The following ANK2 variants were observed in gnomAD, a reference collection of about 807,000 sequenced individuals.
ANK2 encodes the protein ankyrin 2.
Under a neutral mutation model 360.5 loss-of-function variants are expected in ANK2, and 83 were observed. The observed-to-expected ratio is 0.23, with a 90% confidence interval of 0.19 to 0.28. ANK2 has a LOEUF of 0.28. Among genes scored for constraint, ANK2 ranks in the 10% least tolerant of loss-of-function variants. The pLI, the probability that ANK2 is intolerant of heterozygous loss-of-function variation, is 1.00. For missense variants in ANK2, 4,201 were observed against 4,795.7 expected (o/e 0.88, Z 3.66); for synonymous variants, 1,740 against 1,759.5 (o/e 0.99, Z 0.28).
chr4:113,122,711 C>T (rs2095438280), intron 1 of ANK2, among the ~76,000 whole-genome samples: 1 of 152,012 alleles, frequency 6.6e-6, no homozygotes, highest in Non-Finnish European at 1.5e-5. Flanking sequence ...AATGTTCAGC[C>T]ATATCTATTT....
intron 1 of ANK2, among the ~76,000 whole-genome samples, chr4:113,110,007 G>A (rs1360569376): frequency 6.6e-6 from 1 of 152,134 alleles, no homozygotes; most frequent in East Asian, 1.9e-4. Context: ...GTTTGCACGA[G>A]TGGGCATAAA....
At chr4:112,856,935 A>T (rs1480669534) in intron 1 of ANK2, among the ~76,000 whole-genome samples, 2 of 152,158 alleles carry the variant, frequency 1.3e-5, no homozygotes, top group Non-Finnish European at 2.9e-5. Context: ...TACTGAGGAG[A>T]CATCAAGGGT....
chr4:113,359,734 T>C (rs1471216274), intron 38 of ANK2, among the ~76,000 whole-genome samples: 3 of 152,200 alleles, frequency 2.0e-5, no homozygotes, highest in African/African-American at 7.2e-5. Context: ...GTACTTACAA[T>C]TTTGTAATCA....
At chr4:113,076,176 T>C (rs1468410800) in intron 1 of ANK2, among the ~76,000 whole-genome samples, 2 of 152,220 alleles carry the variant, frequency 1.3e-5, no homozygotes, top group African/African-American at 2.4e-5. Flanking sequence ...ACATAAAATA[T>C]AGTAACACGA....
At chr4:112,833,749 C>T (rs1052181496) in intron 1 of ANK2, among the ~76,000 whole-genome samples, 4 of 152,162 alleles carry the variant, frequency 2.6e-5, no homozygotes, top group Non-Finnish European at 4.4e-5. Context: ...GTGATCCGCC[C>T]GCCTCGGCCT....
At chr4:112,910,447 G>T (rs2086742802) in intron 2 of ANK2, among the ~76,000 whole-genome samples, 2 of 152,148 alleles carry the variant, frequency 1.3e-5, no homozygotes, top group Non-Finnish European at 2.9e-5. Flanking sequence ...TATAAGAAAG[G>T]GGTACTGAAG....
In ANK2 at chr4:113,353,810, G is replaced by A; in HGVS notation, c.5192G>A (p.Gly1731Asp). Residue 1731 changes from glycine (G) to aspartate (D), a missense_variant, in exon 38 of 46, where the codon GGT becomes GAT. Physicochemically the swap from Gly to Asp is moderately conservative, Grantham distance 94. Around this residue, in one of 4 missense-constraint regions of ANK2, gnomAD observed 2,642 missense variants for 2,714.5 expected, o/e 0.97. Coordinates refer to ENST00000357077, the MANE Select transcript of ANK2 (RefSeq NM_001148.6). ...ASAEKAELKK[G>D]SSEESLGEDP... Reference sequence around the variant, plus strand: ...GCAGAGAAAGCTGAACTTAAAAAAGGTAGTTCAGAAGAGTCATTAGGTGAA... The same window carrying A: ...GCAGAGAAAGCTGAACTTAAAAAAGATAGTTCAGAAGAGTCATTAGGTGAA... 1 of 1,614,022 alleles carries A rather than the reference G, an allele frequency of 6.2e-7. No homozygotes were observed. Among genetic ancestry groups the A allele is most frequent in the Non-Finnish European group, 8.5e-7 (1 of 1,179,990 alleles).
chr4:113,206,042 C>T lies in ANK2; in HGVS notation c.384+6933C>T, dbSNP rs550907175. 7.2e-5 allele frequency among the ~76,000 whole-genome samples: 11 copies of T among 152,010 alleles called. No homozygotes were observed. The East Asian group carries it at 1.9e-3, about 27-fold the overall frequency. The stretch of plus-strand genomic sequence containing the variant: ...AAACAGGTTTTATTTTCAGGGTTTT[C>T]CCCCAAAATATATGCATATGGTTCT... On this transcript the variant is annotated intron_variant, in intron 4 of 45. Coordinates refer to ENST00000357077, the MANE Select transcript of ANK2 (RefSeq NM_001148.6).
Position 113,208,719 on chromosome 4 carries a change from C to A in ANK2, c.384+9610C>A, listed in dbSNP as rs1013408691. Among the ~76,000 whole-genome samples the A allele has an allele frequency of 1.8e-4, 27 of 151,912 alleles. 1 individual carries two copies. The highest frequency in any genetic ancestry group is 6.3e-4 in the African/African-American group (26 of 41,238). ...GGTCTTGCTATCTCGCCCAGACTGG[C>A]CTTGAACTCCTGGGTTCAAGCAGTC... On this transcript the variant is annotated intron_variant, in intron 4 of 45. Coordinates refer to ENST00000357077, the MANE Select transcript of ANK2 (RefSeq NM_001148.6).
chr4:113,345,141 A>G (rs1034624453), intron 34 of ANK2, among the ~76,000 whole-genome samples: 1 of 152,196 alleles, frequency 6.6e-6, no homozygotes, highest in Non-Finnish European at 1.5e-5. Context: ...CTGACACATG[A>G]TGCAATATGA....
rs138475060 is a variant in ANK2, at chr4:112,850,759, G to A, written c.-40+32495G>A. Among the ~76,000 whole-genome samples the A allele has an allele frequency of 6.5e-3, 982 of 151,366 alleles. 10 individuals are homozygous for A. The highest frequency in any genetic ancestry group is 0.022 in the African/African-American group (910 of 41,226). ...TCTCGATCTCCTGACCTCGTGATCCGCCCGCCTCTGCCTCCCAAAGTGCTG... is the reference window on the plus strand; with the variant it reads ...TCTCGATCTCCTGACCTCGTGATCCACCCGCCTCTGCCTCCCAAAGTGCTG... On this transcript the variant is annotated intron_variant, in intron 1 of 30. Coordinates refer to the ANK2 transcript ENST00000503271.
At chr4:113,379,711 C>T (rs1464339744) in intron 45 of ANK2, among the ~76,000 whole-genome samples, 1 of 151,858 alleles carries the variant, frequency 6.6e-6, no homozygotes, top group Non-Finnish European at 1.5e-5. Context: ...CTTCCAGATG[C>T]AGAACAATTC....
At chr4:113,130,137 A>C (rs2095919993) in intron 1 of ANK2, among the ~76,000 whole-genome samples, 1 of 152,180 alleles carries the variant, frequency 6.6e-6, no homozygotes, top group African/African-American at 2.4e-5. Flanking sequence ...CAGTAGGATG[A>C]AAACTAACTT....
chr4:113,356,282 C>G lies in ANK2; in HGVS notation c.7664C>G (p.Thr2555Arg). The G allele has an allele frequency of 6.2e-7, 1 of 1,614,128 alleles. No individual in the cohort carries two copies. Among genetic ancestry groups the G allele is most frequent in the Non-Finnish European group, 8.5e-7 (1 of 1,179,996 alleles). The change falls in exon 38 of 46, where the codon ACA becomes AGA. Residue 2555 changes from threonine (T) to arginine (R), a missense_variant. By Grantham distance (71) the Thr-to-Arg change is moderately conservative (BLOSUM62 -1). This residue lies in a region of ANK2 where 2,642 missense variants were observed against 2,714.5 expected (regional missense o/e 0.97). Coordinates refer to ENST00000357077, the MANE Select transcript of ANK2 (RefSeq NM_001148.6). ...AGCTATGAGGTTACACCCAAAACCA[C>G]AGATGTAAGTACACCAAAACCAGCT... ...EVSYEVTPKT[T>R]DVSTPKPAVI...
chr4:113,177,028 C>T (rs1465239669), intron 2 of ANK2, among the ~76,000 whole-genome samples: 2 of 152,122 alleles, frequency 1.3e-5, no homozygotes, highest in Non-Finnish European at 2.9e-5. Flanking sequence ...TCCAGTCTAT[C>T]ATTGATGGAC....
intron 1 of ANK2, among the ~76,000 whole-genome samples, chr4:113,112,486 C>T (rs759655787): frequency 8.5e-5 from 13 of 152,130 alleles, no homozygotes; most frequent in Non-Finnish European, 1.6e-4. Flanking sequence ...TCAGTGTTCC[C>T]TTCTCTGTAC....
At chr4:113,199,583 G>T (rs914413714) in intron 4 of ANK2, among the ~76,000 whole-genome samples, 5 of 151,924 alleles carry the variant, frequency 3.3e-5, no homozygotes, top group Non-Finnish European at 5.9e-5. Context: ...GAAATGTATG[G>T]TTTTAAAATG....
intron 2 of ANK2, among the ~76,000 whole-genome samples, chr4:112,980,772 G>T (rs1303201042): frequency 6.6e-6 from 1 of 151,992 alleles, no homozygotes; most frequent in Non-Finnish European, 1.5e-5. Flanking sequence ...TTTAAATTGT[G>T]AAATTTTTAA....
At chr4:112,845,116 C>A (rs2062997518) in intron 1 of ANK2, among the ~76,000 whole-genome samples, 1 of 152,124 alleles carries the variant, frequency 6.6e-6, no homozygotes, top group Non-Finnish European at 1.5e-5. Context: ...ACCATGCTAA[C>A]AAAATTGCAA....
Sources: allele counts gnomAD v4.1 joint callset (sites outside exome capture counted in the v4.1 genomes callset), GRCh38; gene constraint gnomAD v4.1.1; regional missense constraint gnomAD v4.1.1; transcripts MANE v1.5; gene names NCBI Gene and HGNC (gene_info 2026-07-23, HGNC 2026-07-21).